L2HGDH: variants seen among roughly 807,000 people sequenced by gnomAD.
L2HGDH encodes the protein L-2-hydroxyglutarate dehydrogenase, mitochondrial.
Under a neutral mutation model 51.5 loss-of-function variants are expected in L2HGDH, and 34 were observed. That is an observed-to-expected ratio of 0.66 (90% CI 0.50 to 0.88). The LOEUF (loss-of-function observed/expected upper bound fraction) is 0.88, where lower values mean the gene tolerates loss of function less well. Ranked by LOEUF, L2HGDH falls within the 40% of genes least tolerant of loss-of-function variation. The pLI is 0.00. For synonymous variants in L2HGDH, 198 were observed against 197.9 expected, an observed-to-expected ratio of 1.00 and a Z score of -0.01; for missense variants, 558 against 571.9, an observed-to-expected ratio of 0.98 and a Z score of 0.25.
Position 50,249,099 on chromosome 14 carries a change from T to A in L2HGDH, c.1197-1846A>T, listed in dbSNP as rs115939365. Among the ~76,000 whole-genome samples, 590 of 152,252 alleles carry A rather than the reference T, an allele frequency of 3.9e-3. 7 individuals are homozygous for A. The highest frequency in any genetic ancestry group is 0.013 in the African/African-American group (555 of 41,554). ...GCTGGGCTCAGCCAGCGCCAGCACATGGAGGGAGCATTTGGACCTGCCCCA... is the reference window on the plus strand; with the variant it reads ...GCTGGGCTCAGCCAGCGCCAGCACAAGGAGGGAGCATTTGGACCTGCCCCA... On this transcript the variant is annotated intron_variant, in intron 9 of 9. Coordinates refer to ENST00000267436, the MANE Select transcript of L2HGDH (RefSeq NM_024884.3).
chr14:50,311,993 G>C lies in L2HGDH; in HGVS notation c.140+18C>G, dbSNP rs772267399. 6.4e-7 allele frequency: 1 copy of C among 1,552,766 alleles called. No individual in the cohort carries two copies. Among genetic ancestry groups the C allele is most frequent in the Non-Finnish European group, 8.7e-7 (1 of 1,151,522 alleles). On this transcript the variant is annotated intron_variant, in intron 1 of 9. Coordinates refer to ENST00000267436, the MANE Select transcript of L2HGDH (RefSeq NM_024884.3). ...GGGGCAGCAGCGCAGGCGGCGGGGA[G>C]GACCAGCGGCCACTCACCTGGTGCT...
intron 4 of L2HGDH, among the ~76,000 whole-genome samples, chr14:50,285,471 A>G (rs1890517585): frequency 6.6e-6 from 1 of 152,248 alleles, no homozygotes; most frequent in South Asian, 2.1e-4. Context: ...GTCAGTAAAC[A>G]TAAGACCTAG....
At chr14:50,275,681 G>T (rs1053370206) in intron 6 of L2HGDH, among the ~76,000 whole-genome samples, 1 of 152,188 alleles carries the variant, frequency 6.6e-6, no homozygotes, top group Admixed American at 6.5e-5. Context: ...TAGCTGGCTG[G>T]CAACTCCTTG....
At chr14:50,261,594 C>A (rs1311175911) in intron 9 of L2HGDH, among the ~76,000 whole-genome samples, 2 of 151,968 alleles carry the variant, frequency 1.3e-5, no homozygotes, top group East Asian at 3.9e-4. Context: ...GGGATCTTGC[C>A]ACTTAAGCCT....
chr14:50,274,607 G>T (rs766985619), intron 6 of L2HGDH, among the ~76,000 whole-genome samples: 1 of 152,074 alleles, frequency 6.6e-6, no homozygotes, highest in Non-Finnish European at 1.5e-5. Context: ...ACTACCATAT[G>T]ATTTCCTCTG....
rs1484525174 is a variant in L2HGDH at position 50,244,035 on chromosome 14, G to A, written c.*3023C>T. The A allele has an allele frequency of 6.6e-6, 1 of 151,158 alleles. No homozygotes were observed. The highest frequency in any genetic ancestry group is 6.6e-5 in the Admixed American group (1 of 15,154). 9.4% of individuals were successfully genotyped at this position (151,158 alleles called of 1,614,324 possible). A position where few individuals can be genotyped will look rare whatever the true frequency, so the allele number is the denominator to read the frequency against. ...ACTCATCATTTTTTATGGCTGCATA[G>A]TATTCCATGGTGTATATGTGCCACA... On this transcript the variant is annotated 3_prime_UTR_variant, in exon 10 of 10. Coordinates refer to ENST00000267436, the MANE Select transcript of L2HGDH (RefSeq NM_024884.3).
chr14:50,249,882 CTTTTTTTTTTTTTTTTTTTTTT>C (rs747924080), intron 9 of L2HGDH, among the ~76,000 whole-genome samples: 4 of 68,956 alleles, frequency 5.8e-5, no homozygotes, highest in African/African-American at 1.1e-4. Context: ...GCTTACACTC[CTTTTTTTTTTTTTTTTTTTTTT>C]TTTTTTTTTT....
At chr14:50,250,880 A>G (rs1343960637) in intron 9 of L2HGDH, among the ~76,000 whole-genome samples, 1 of 152,226 alleles carries the variant, frequency 6.6e-6, no homozygotes, top group Non-Finnish European at 1.5e-5. Context: ...AATACCTGGA[A>G]AGCCTTCCCA....
At chr14:50,272,853 A>G (rs544858746) in intron 6 of L2HGDH, among the ~76,000 whole-genome samples, 345 of 152,280 alleles carry the variant, frequency 2.3e-3, no homozygotes, top group Non-Finnish European at 4.2e-3. Flanking sequence ...ACCCATGGGG[A>G]GTTCTCTATG....
At chr14:50,276,987 C>A (rs1189856638) in intron 6 of L2HGDH, among the ~76,000 whole-genome samples, 1 of 152,206 alleles carries the variant, frequency 6.6e-6, no homozygotes, top group Non-Finnish European at 1.5e-5. Flanking sequence ...CCTCCCCCAT[C>A]CCAGTTGTGA....
At chr14:50,249,827 A>T (rs573488365) in intron 9 of L2HGDH, among the ~76,000 whole-genome samples, 2 of 148,652 alleles carry the variant, frequency 1.3e-5, no homozygotes, top group South Asian at 4.4e-4. Flanking sequence ...GCTCAGCCAC[A>T]GTGAGGTAGA....
chr14:50,269,332 T>C lies in L2HGDH; in HGVS notation c.739-2A>G. 1.9e-6 allele frequency: 3 copies of C among 1,613,726 alleles called. No individual in the cohort carries two copies. The highest frequency in any genetic ancestry group is 2.5e-6 in the Non-Finnish European group (3 of 1,179,720). On this transcript the variant is annotated splice_acceptor_variant, in intron 6 of 9. Transcript: ENST00000267436. LOFTEE classifies it high-confidence loss of function. Reference sequence around the variant, plus strand: ...ATACTGACATCGAATTTCCTCTCCCTAGTGCAAAATAAAAGAACAGTTATT... The same window carrying C: ...ATACTGACATCGAATTTCCTCTCCCCAGTGCAAAATAAAAGAACAGTTATT...
At position 50,243,876 on chromosome 14, in the gene L2HGDH, C is replaced by T. The variant is rs1320323227; in HGVS notation, c.*3182G>A. On this transcript the variant is annotated 3_prime_UTR_variant, in exon 10 of 10. Transcript: ENST00000267436. ...GTCCCCAGAGTGTGATGTTCCCCTT[C>T]CTGTGTCCATGTGTTCTCATTGTTC... 1 of 128,866 alleles carries T rather than the reference C, an allele frequency of 7.8e-6. No individual in the cohort carries two copies. The highest frequency in any genetic ancestry group is 8.9e-5 in the Admixed American group (1 of 11,274). The allele number at this position is 128,866 out of a possible 1,614,324, so 8.0% of individuals were successfully genotyped here.
At chr14:50,274,330 T>C (rs1426372284) in intron 6 of L2HGDH, among the ~76,000 whole-genome samples, 1 of 147,234 alleles carries the variant, frequency 6.8e-6, no homozygotes, top group Non-Finnish European at 1.5e-5. Context: ...TTTTTATGTA[T>C]TTTTTCAAAG....
At chr14:50,293,207 GATATCAT>G in intron 4 of L2HGDH, 1 of 702,196 alleles carries the variant, frequency 1.4e-6, no homozygotes, top group Non-Finnish European at 2.6e-6. Flanking sequence ...CCACATACCT[GATATCAT>G]AAAGGCAATA....
At position 50,244,878 on chromosome 14, in the gene L2HGDH, C is replaced by T. The variant is rs894303113; in HGVS notation, c.*2180G>A. ...AGACATACACAGTAGAAGATGAATCCTGAGAGAGCAAATCAGAGAGAATGG... is the reference window on the plus strand; with the variant it reads ...AGACATACACAGTAGAAGATGAATCTTGAGAGAGCAAATCAGAGAGAATGG... On this transcript the variant is annotated 3_prime_UTR_variant, in exon 10 of 10. Coordinates refer to ENST00000267436, the MANE Select transcript of L2HGDH (RefSeq NM_024884.3). 4.1e-6 allele frequency: 4 copies of T among 985,294 alleles called. No homozygotes were observed. Among genetic ancestry groups the T allele is most frequent in the African/African-American group, 1.7e-5 (1 of 57,212 alleles). 61.0% of individuals were successfully genotyped at this position (985,294 alleles called of 1,614,324 possible).
At chr14:50,291,671 T>C (rs1339803232) in intron 4 of L2HGDH, among the ~76,000 whole-genome samples, 1 of 152,142 alleles carries the variant, frequency 6.6e-6, no homozygotes, top group Admixed American at 6.5e-5. Context: ...ACTTTACAAC[T>C]AGAGATAAAG....
chr14:50,296,365 C>G (rs576192615), intron 3 of L2HGDH, among the ~76,000 whole-genome samples: 4 of 106,892 alleles, frequency 3.7e-5, no homozygotes, highest in Non-Finnish European at 5.3e-5. Context: ...AAAGTGAGAC[C>G]CTGTCTCAAA....
At chr14:50,277,047 T>C (rs930221655) in intron 6 of L2HGDH, among the ~76,000 whole-genome samples, 6 of 152,162 alleles carry the variant, frequency 3.9e-5, no homozygotes, top group East Asian at 3.8e-4. Flanking sequence ...AGGAGTAAAA[T>C]TGCCTCTAGT....
Sources: gnomAD v4.1 joint callset for allele counts (sites outside exome capture counted in the v4.1 genomes callset) on GRCh38, gnomAD v4.1.1 for gene constraint, MANE v1.5 for transcripts, NCBI Gene and HGNC (gene_info 2026-07-23, HGNC 2026-07-21) for gene names.